The following KCTD9 variants were observed in gnomAD, a reference collection of about 807,000 sequenced individuals.
KCTD9 encodes BTB/POZ domain-containing protein KCTD9.
Under a neutral mutation model 53.3 loss-of-function variants are expected in KCTD9, and 17 were observed. That is an observed-to-expected ratio of 0.32 (90% CI 0.22 to 0.48). The LOEUF (loss-of-function observed/expected upper bound fraction) is 0.48. KCTD9 is among the 20% of genes least tolerant of loss of function. The pLI is 0.99. For synonymous variants in KCTD9, 128 were observed against 162.7 expected (o/e 0.79, Z 1.62); for missense variants, 179 against 465.5 (o/e 0.38, Z 5.66).
chr8:25,448,686 G>A (rs143125167), intron 1 of KCTD9, among the ~76,000 whole-genome samples: 127 of 152,044 alleles, frequency 8.4e-4, no homozygotes, highest in African/African-American at 2.9e-3. Context: ...AGGCTGAGGC[G>A]GATGGATTGC....
Position 25,443,478 on chromosome 8 carries a change from A to AC in KCTD9, c.214+813dup, listed in dbSNP as rs1802159683. On this transcript the variant is annotated intron_variant, in intron 3 of 11. Transcript: ENST00000221200. ...TCCATGAGTTAATAACAATAAAAAAACCTTAATTGATCATTTTTTATTGTG... is the reference window on the plus strand; with the variant it reads ...TCCATGAGTTAATAACAATAAAAAAACCCTTAATTGATCATTTTTTATTGTG... Among the ~76,000 whole-genome samples, 3 of 152,124 alleles carry AC rather than the reference A, an allele frequency of 2.0e-5. No individual in the cohort carries two copies. In the South Asian group the frequency reaches 6.2e-4, roughly 32 times the overall value.
intron 1 of KCTD9, among the ~76,000 whole-genome samples, chr8:25,447,767 T>C (rs1332418829): frequency 3.3e-5 from 5 of 152,122 alleles, no homozygotes; most frequent in Admixed American, 2.6e-4. Flanking sequence ...AACCCAAGTG[T>C]CCATAAGCAG....
chr8:25,428,296 AG>A lies in KCTD9; in HGVS notation c.*1560del, dbSNP rs1209760214. On this transcript the variant is annotated 3_prime_UTR_variant, in exon 12 of 12. Transcript: ENST00000221200. Reference sequence around the variant, plus strand: ...TTCTCTGTCTTGGTAAAAATAATAAAGCAAAGAAAATAATTCATTTCTGAAG... The same window carrying A: ...TTCTCTGTCTTGGTAAAAATAATAAACAAAGAAAATAATTCATTTCTGAAG... 1 of 152,684 alleles carries A rather than the reference AG, an allele frequency of 6.5e-6. No homozygotes were observed. 9.5% of individuals were successfully genotyped at this position (152,684 alleles called of 1,614,324 possible).
At chr8:25,430,808 TACACACACACACACACACAC>T (rs139075991) in intron 11 of KCTD9, among the ~76,000 whole-genome samples, 1 of 145,470 alleles carries the variant, frequency 6.9e-6, no homozygotes, top group African/African-American at 2.6e-5. Context: ...ACATAATAAA[TACACACACACACACACACAC>T]ACACACACAC....
chr8:25,451,217 GA>G (rs1215973367), intron 1 of KCTD9, among the ~76,000 whole-genome samples: 1 of 152,134 alleles, frequency 6.6e-6, no homozygotes, highest in Non-Finnish European at 1.5e-5. Context: ...AAACTAATTA[GA>G]AACCAGGTTT....
chr8:25,442,866 T>C (rs1586430739), intron 3 of KCTD9, among the ~76,000 whole-genome samples: 3 of 152,194 alleles, frequency 2.0e-5, no homozygotes, highest in South Asian at 2.1e-4. Flanking sequence ...CATTTTTAGA[T>C]GTGTTCTGTA....
At chr8:25,431,265 C>T (rs1801925016) in intron 11 of KCTD9, among the ~76,000 whole-genome samples, 1 of 151,968 alleles carries the variant, frequency 6.6e-6, no homozygotes, top group Non-Finnish European at 1.5e-5. Context: ...ATAGATTTTT[C>T]CATTCCCTAG....
chr8:25,436,130 G>T, intron 8 of KCTD9, 105 bp downstream of exon 8: 1 of 776,540 alleles, frequency 1.3e-6, no homozygotes, highest in Non-Finnish European at 2.2e-6. Context: ...GATCTTGCAT[G>T]TAAAAGAAAA....
chr8:25,443,323 GATA>G (rs1175763336), intron 3 of KCTD9, among the ~76,000 whole-genome samples: 1 of 152,062 alleles, frequency 6.6e-6, no homozygotes, highest in Non-Finnish European at 1.5e-5. Context: ...AGTTATTCCA[GATA>G]ATAAGAAAGC....
intron 1 of KCTD9, among the ~76,000 whole-genome samples, chr8:25,456,288 AATTCT>A (rs1233803837): frequency 1.3e-5 from 2 of 152,250 alleles, no homozygotes; most frequent in Non-Finnish European, 2.9e-5. Context: ...TGGGAAATCA[AATTCT>A]ATTCTATTTG....
intron 1 of KCTD9, chr8:25,457,515 G>T: frequency 4.3e-6 from 1 of 234,600 alleles, no homozygotes; most frequent in Non-Finnish European, 7.0e-6. Flanking sequence ...AAAGGCGACT[G>T]TCAAATCGAT....
intron 1 of KCTD9, among the ~76,000 whole-genome samples, chr8:25,449,488 T>G (rs1184186409): frequency 6.6e-6 from 1 of 152,194 alleles, no homozygotes; most frequent in Non-Finnish European, 1.5e-5. Flanking sequence ...TATTATAGCT[T>G]AAGATCTTAT....
intron 1 of KCTD9, among the ~76,000 whole-genome samples, chr8:25,457,914 G>C (rs1802496031): frequency 7.3e-6 from 1 of 137,400 alleles, no homozygotes; most frequent in Non-Finnish European, 1.6e-5. Context: ...CCGCGCCCCC[G>C]TCCCCGCGCC....
At position 25,436,492 on chromosome 8, in the gene KCTD9, G is replaced by C; in HGVS notation, c.500-7C>G. The C allele has an allele frequency of 6.6e-7, 1 of 1,525,592 alleles. No individual in the cohort carries two copies. The highest frequency in any genetic ancestry group is 8.8e-7 in the Non-Finnish European group (1 of 1,132,964). 94.5% of individuals were successfully genotyped at this position (1,525,592 alleles called of 1,614,324 possible). ...CTTGCTTCTTCTAACACACCTATCA[G>C]AACAAAAATAATTCTGAAACAACCT... On this transcript the variant is annotated splice_polypyrimidine_tract_variant and splice_region_variant and intron_variant, in intron 6 of 11. Coordinates refer to ENST00000221200, the MANE Select transcript of KCTD9 (RefSeq NM_017634.4).
At chr8:25,438,253 C>A (rs1278984940) in intron 6 of KCTD9, among the ~76,000 whole-genome samples, 2 of 146,460 alleles carry the variant, frequency 1.4e-5, no homozygotes, top group African/African-American at 5.0e-5. Context: ...TAGAAAGCAA[C>A]AAGAATTTAG....
At position 25,429,164 on chromosome 8, in the gene KCTD9, CTG is replaced by C. The variant is rs1801886559; in HGVS notation, c.*691_*692del. 1 of 152,234 alleles carries C rather than the reference CTG, an allele frequency of 6.6e-6. No homozygotes were observed. The highest frequency in any genetic ancestry group is 6.5e-5 in the Admixed American group (1 of 15,284). 9.4% of individuals were successfully genotyped at this position (152,234 alleles called of 1,614,324 possible). On this transcript the variant is annotated 3_prime_UTR_variant, in exon 12 of 12. Transcript: ENST00000221200. The stretch of plus-strand genomic sequence containing the variant: ...AGTTATTCCTCCATCCAGAGTTACA[CTG>C]TACCTTTGGAATGACAGTGATGTAC...
At chr8:25,441,037 T>G (rs1225908840) in intron 3 of KCTD9, among the ~76,000 whole-genome samples, 1 of 152,194 alleles carries the variant, frequency 6.6e-6, no homozygotes, top group Non-Finnish European at 1.5e-5. Context: ...GTGATGCAAG[T>G]AGTTTGCAGT....
At position 25,445,997 on chromosome 8, in the gene KCTD9, G is replaced by A. The variant is rs1382591225; in HGVS notation, c.170+132C>T. On this transcript the variant is annotated intron_variant, in intron 2 of 11. Coordinates refer to ENST00000221200, the MANE Select transcript of KCTD9 (RefSeq NM_017634.4). ...AAGCCCAAATGATTTAAATTCCAAA[G>A]AGCAAATTCTAGGTAAACACTTGCC... The A allele has an allele frequency of 6.1e-6, 7 of 1,155,470 alleles. No homozygotes were observed. The African/African-American group carries it at 6.3e-5, about 10-fold the overall frequency. 71.6% of individuals were successfully genotyped at this position (1,155,470 alleles called of 1,614,324 possible).
intron 10 of KCTD9, 38 bp from the exon 11 acceptor site, chr8:25,432,675 A>G (rs527778167): frequency 1.1e-5 from 18 of 1,576,200 alleles, no homozygotes; most frequent in Non-Finnish European, 1.5e-5. Flanking sequence ...TTAACTTAAA[A>G]ATATAGTTAT....
Sources: gnomAD v4.1 joint callset for allele counts (sites outside exome capture counted in the v4.1 genomes callset) on GRCh38, gnomAD v4.1.1 for gene constraint, MANE v1.5 for transcripts, NCBI Gene and HGNC (gene_info 2026-07-23, HGNC 2026-07-21) for gene names.